Variants in PCLO observed in about 807,000 individuals in gnomAD.
The protein encoded by PCLO is piccolo presynaptic cytomatrix protein, also known as protein piccolo.
PCLO carries 82 observed loss-of-function variants against 427.5 expected under a neutral mutation model. That is an observed-to-expected ratio of 0.19 (90% CI 0.16 to 0.23). PCLO has a LOEUF of 0.23. PCLO is among the 10% of genes least tolerant of loss of function. The probability of loss-of-function intolerance (pLI) is 1.00; values close to 1 mark genes in which losing one functional copy is unlikely to be tolerated. For synonymous variants in PCLO, 2,357 were observed against 2,155.4 expected, an observed-to-expected ratio of 1.09 and a Z score of -2.59; for missense variants, 6,239 against 6,115.9, an observed-to-expected ratio of 1.02 and a Z score of -0.67.
chr7:83,107,165 G>T (rs1436934814), intron 3 of PCLO, among the ~76,000 whole-genome samples: 1 of 152,210 alleles, frequency 6.6e-6, no homozygotes, highest in East Asian at 1.9e-4. Flanking sequence ...CACCGCCCGG[G>T]TGATAAGCAT....
chr7:82,783,933 T>A (rs1790929560), intron 22 of PCLO, among the ~76,000 whole-genome samples: 1 of 151,516 alleles, frequency 6.6e-6, no homozygotes, highest in Admixed American at 6.6e-5. Context: ...TAGTTATATG[T>A]ATTACATGTA....
At chr7:82,846,173 A>G (rs1309872061) in intron 12 of PCLO, among the ~76,000 whole-genome samples, 1 of 152,114 alleles carries the variant, frequency 6.6e-6, no homozygotes, top group Non-Finnish European at 1.5e-5. Flanking sequence ...GTTCAGGAAT[A>G]ATTTTTTCAA....
rs747018818 is a variant in PCLO at position 82,914,751 on chromosome 7, C to T, written c.13235G>A (p.Arg4412Gln). ...GAATGCTATGTCACGGTCATAGCCT[C>T]GAGTCCGTGATTCTTCCCTCATGTG... The part of the protein sequence containing the change: ...QQHMREESRT[R>Q]GYDRDIAFIM... The change falls in exon 7 of 25, where the codon CGA becomes CAA. Residue 4412 changes from arginine (R) to glutamine (Q), a missense_variant. By Grantham distance (43) the Arg-to-Gln change is conservative (BLOSUM62 1). Around this residue, in one of 5 missense-constraint regions of PCLO, gnomAD observed 877 missense variants for 925.5 expected, o/e 0.95. Coordinates refer to ENST00000333891, the MANE Select transcript of PCLO (RefSeq NM_033026.6). The T allele has an allele frequency of 6.8e-6, 11 of 1,613,072 alleles. No individual in the cohort carries two copies. Among genetic ancestry groups the T allele is most frequent in the South Asian group, 3.3e-5 (3 of 91,046 alleles).
In PCLO at chr7:82,755,955, A is replaced by C. The variant is rs1033870614; in HGVS notation, c.*2620T>G. On this transcript the variant is annotated 3_prime_UTR_variant, in exon 25 of 25. Transcript: ENST00000333891. Reference sequence around the variant, plus strand: ...TGCACAAAAAGAAGCCCTGTTGTCAACTCTGCTGATTGACCTAGCCCCATC... The same window carrying C: ...TGCACAAAAAGAAGCCCTGTTGTCACCTCTGCTGATTGACCTAGCCCCATC... 6.6e-6 allele frequency: 1 copy of C among 152,090 alleles called. No homozygotes were observed. Among genetic ancestry groups the C allele is most frequent in the Non-Finnish European group, 1.5e-5 (1 of 68,022 alleles). The allele number at this position is 152,090 out of a possible 1,614,324, so 9.4% of individuals were successfully genotyped here. A position where few individuals can be genotyped will look rare whatever the true frequency, so the allele number is the denominator to read the frequency against.
chr7:83,047,481 C>T (rs983402485), intron 3 of PCLO, among the ~76,000 whole-genome samples: 1 of 151,964 alleles, frequency 6.6e-6, no homozygotes, highest in Non-Finnish European at 1.5e-5. Flanking sequence ...AGATATTTTA[C>T]ATTATCATAG....
chr7:82,953,230 A>G lies in PCLO; in HGVS notation c.7723T>C (p.Ser2575Pro), dbSNP rs201752711. 1.0e-4 allele frequency: 163 copies of G among 1,613,792 alleles called. No homozygotes were observed. The highest frequency in any genetic ancestry group is 1.6e-4 in the Middle Eastern group (1 of 6,084). ...ATAACTACATAAGTTTCTGTGAGGG[A>G]TTTGGAAAATCTTGGTGAAGACTTG... Reference protein sequence around the residue: ...SNKSSPRFSKSLTETYVVITL... With the variant: ...SNKSSPRFSKPLTETYVVITL... The change falls in exon 5 of 25, where the codon TCC becomes CCC. Residue 2575 changes from serine to proline, a missense_variant. Physicochemically the swap from Ser to Pro is moderately conservative, Grantham distance 74. This residue lies in a region of PCLO where 4,677 missense variants were observed against 4,468.4 expected (regional missense o/e 1.05). Coordinates refer to ENST00000333891, the MANE Select transcript of PCLO (RefSeq NM_033026.6).
In PCLO at chr7:83,134,330, G is replaced by A. The variant is rs763045993; in HGVS notation, c.3220C>T (p.Pro1074Ser). 3.7e-6 allele frequency: 6 copies of A among 1,608,998 alleles called. No individual in the cohort carries two copies. The Admixed American group carries it at 5.1e-5, about 14-fold the overall frequency. ...TELNIGSKDP[P>S]NFNTCTECKN... Reference sequence around the variant, plus strand: ...CATTCAGTGCAAGTATTGAAGTTAGGAGGATCCTTAGAACCTATGTTGAGT... The same window carrying A: ...CATTCAGTGCAAGTATTGAAGTTAGAAGGATCCTTAGAACCTATGTTGAGT... Residue 1074 changes from proline (P) to serine (S), a missense_variant, in exon 3 of 25, where the codon CCT (proline) becomes TCT (serine). Coordinates refer to ENST00000333891, the MANE Select transcript of PCLO (RefSeq NM_033026.6).
intron 3 of PCLO, among the ~76,000 whole-genome samples, chr7:83,020,728 A>C (rs1788322465): frequency 1.3e-5 from 2 of 152,082 alleles, no homozygotes; most frequent in Non-Finnish European, 2.9e-5. Context: ...AACTGAGAAG[A>C]TAACCATAAC....
At chr7:82,790,206 AC>A (rs1173380695) in intron 22 of PCLO, among the ~76,000 whole-genome samples, 1 of 152,068 alleles carries the variant, frequency 6.6e-6, no homozygotes, top group East Asian at 1.9e-4. Context: ...ATCCTTCAGA[AC>A]CCCAAATCTG....
At chr7:83,081,184 G>A (rs1235078491) in intron 3 of PCLO, among the ~76,000 whole-genome samples, 1 of 151,844 alleles carries the variant, frequency 6.6e-6, no homozygotes, top group Non-Finnish European at 1.5e-5. Context: ...GTGTTCTTTT[G>A]TTTGAACTAA....
intron 15 of PCLO, among the ~76,000 whole-genome samples, chr7:82,836,045 T>C (rs1792225641): frequency 6.6e-6 from 1 of 152,084 alleles, no homozygotes; most frequent in African/African-American, 2.4e-5. Context: ...GTGGGGCATT[T>C]GTTCTCCATT....
chr7:82,779,256 G>A (rs554901778), intron 22 of PCLO, among the ~76,000 whole-genome samples: 3 of 151,998 alleles, frequency 2.0e-5, no homozygotes, highest in Non-Finnish European at 4.4e-5. Flanking sequence ...GAAAGATATT[G>A]CTTTTTGCCT....
intron 6 of PCLO, among the ~76,000 whole-genome samples, chr7:82,949,216 TTTTC>T (rs757142093): frequency 3.3e-5 from 5 of 152,048 alleles, no homozygotes; most frequent in Non-Finnish European, 5.9e-5. Flanking sequence ...ACATAATGTG[TTTTC>T]TTTCTTTGGT....
At chr7:82,810,347 T>C (rs1583998535) in intron 20 of PCLO, among the ~76,000 whole-genome samples, 1 of 151,872 alleles carries the variant, frequency 6.6e-6, no homozygotes, top group South Asian at 2.1e-4. Context: ...AAAAAGTTTA[T>C]ATAAACATTG....
intron 10 of PCLO, chr7:82,868,102 C>T (rs761375093): frequency 1.3e-5 from 6 of 456,192 alleles, no homozygotes; most frequent in African/African-American, 2.0e-5. Context: ...ATGACCAATC[C>T]GTACCTGGTA....
At chr7:82,824,674 T>G (rs1584014788) in intron 18 of PCLO, among the ~76,000 whole-genome samples, 1 of 151,018 alleles carries the variant, frequency 6.6e-6, no homozygotes, top group Non-Finnish European at 1.5e-5. Flanking sequence ...ATTATTTGGA[T>G]ATGATGTTAA....
At chr7:82,958,866 G>A (rs1184752748) in intron 4 of PCLO, among the ~76,000 whole-genome samples, 1 of 152,120 alleles carries the variant, frequency 6.6e-6, no homozygotes, top group Non-Finnish European at 1.5e-5. Context: ...AAATGCCAGA[G>A]CACATTTTTT....
At chr7:82,821,172 C>T in intron 20 of PCLO, 4 of 1,000,880 alleles carry the variant, frequency 4.0e-6, no homozygotes, top group Non-Finnish European at 4.8e-6. Flanking sequence ...TGGCTTTGGT[C>T]TTGGTTGCCA....
At chr7:82,889,699 AG>A (rs1793712383) in intron 9 of PCLO, among the ~76,000 whole-genome samples, 1 of 152,142 alleles carries the variant, frequency 6.6e-6, no homozygotes, top group Non-Finnish European at 1.5e-5. Flanking sequence ...AATAATGGAA[AG>A]GGGAAAACGA....
Sources: allele counts gnomAD v4.1 joint callset (sites outside exome capture counted in the v4.1 genomes callset), GRCh38; gene constraint gnomAD v4.1.1; regional missense constraint gnomAD v4.1.1; transcripts MANE v1.5; gene names NCBI Gene and HGNC (gene_info 2026-07-23, HGNC 2026-07-21).